EFNA5: variants seen among roughly 807,000 people sequenced by gnomAD.
The protein encoded by EFNA5 is ephrin A5.
In EFNA5, 5 loss-of-function variants were observed where a neutral mutation model predicts 22.9. The observed-to-expected ratio is 0.22, with a 90% CI of 0.11 to 0.46. The LOEUF (loss-of-function observed/expected upper bound fraction) is 0.46. Ranked by LOEUF, EFNA5 falls within the 20% of genes least tolerant of loss-of-function variation. The pLI, the probability that EFNA5 is intolerant of heterozygous loss-of-function variation, is 0.99. For synonymous variants in EFNA5, 113 were observed against 112.2 expected (o/e 1.01, Z -0.04); for missense variants, 237 against 293.3 (o/e 0.81, Z 1.40).
intron 1 of EFNA5, among the ~76,000 whole-genome samples, chr5:107,568,724 A>C (rs896495384): frequency 9.2e-5 from 14 of 152,256 alleles, no homozygotes; most frequent in African/African-American, 3.4e-4. Flanking sequence ...ATAAAACTTC[A>C]GAATTTGTAG....
chr5:107,574,435 A>G lies in EFNA5; in HGVS notation c.125+96054T>C, dbSNP rs1036825867. Among the ~76,000 whole-genome samples the G allele has an allele frequency of 3.3e-5, 5 of 152,330 alleles. 1 individual carries two copies. The highest frequency in any genetic ancestry group is 1.3e-4 in the Admixed American group (2 of 15,304). On this transcript the variant is annotated intron_variant, in intron 1 of 4. Transcript: ENST00000333274. ...AGATTAAACTCAATATGCCATTAAT[A>G]TGAAAAGAATTTGACAGTTTACATA...
chr5:107,621,056 A>G (rs1750025663), intron 1 of EFNA5, among the ~76,000 whole-genome samples: 1 of 152,178 alleles, frequency 6.6e-6, no homozygotes, highest in Non-Finnish European at 1.5e-5. Flanking sequence ...ATATGAGAAG[A>G]TGGGGCTAGA....
intron 1 of EFNA5, among the ~76,000 whole-genome samples, chr5:107,669,675 C>G (rs1457939124): frequency 6.6e-6 from 1 of 152,152 alleles, no homozygotes; most frequent in Admixed American, 6.5e-5. Context: ...AAATCGGTTC[C>G]AGGTAATCGC....
intron 1 of EFNA5, among the ~76,000 whole-genome samples, chr5:107,569,429 GTATA>G (rs1257415667): frequency 2.2e-5 from 3 of 134,362 alleles, no homozygotes; most frequent in Non-Finnish European, 3.1e-5. Context: ...GTATATGTGT[GTATA>G]TATATATTTA....
At chr5:107,572,232 G>A (rs1461476955) in intron 1 of EFNA5, among the ~76,000 whole-genome samples, 1 of 151,862 alleles carries the variant, frequency 6.6e-6, no homozygotes, top group African/African-American at 2.4e-5. Flanking sequence ...TCTTGGTCCT[G>A]CGCCAGACAG....
intron 1 of EFNA5, among the ~76,000 whole-genome samples, chr5:107,634,345 T>C (rs902694033): frequency 4.6e-5 from 7 of 152,114 alleles, no homozygotes; most frequent in Non-Finnish European, 7.4e-5. Flanking sequence ...AGAGAGACCT[T>C]GTCTCTACAA....
At chr5:107,546,679 C>T (rs964929309) in intron 1 of EFNA5, among the ~76,000 whole-genome samples, 12 of 123,688 alleles carry the variant, frequency 9.7e-5, no homozygotes, top group Non-Finnish European at 1.9e-4. Context: ...CACACACACA[C>T]ACACACACTC....
chr5:107,645,758 T>C (rs988108736), intron 1 of EFNA5, among the ~76,000 whole-genome samples: 5 of 152,212 alleles, frequency 3.3e-5, no homozygotes, highest in Non-Finnish European at 7.4e-5. Flanking sequence ...TGGAGATTGC[T>C]AAAACAACAA....
chr5:107,668,455 A>T lies in EFNA5; in HGVS notation c.125+2034T>A, dbSNP rs200305748. Among the ~76,000 whole-genome samples, 5 of 152,312 alleles carry T rather than the reference A, an allele frequency of 3.3e-5. No individual in the cohort carries two copies. The East Asian group carries it at 9.6e-4, about 29-fold the overall frequency. On this transcript the variant is annotated intron_variant, in intron 1 of 4. Transcript: ENST00000333274. Reference sequence around the variant, plus strand: ...GATAACCTAAGATAAAATGTCCTCAAACTAACTCAGACTAGCTTGACAGGT... The same window carrying T: ...GATAACCTAAGATAAAATGTCCTCATACTAACTCAGACTAGCTTGACAGGT...
intron 1 of EFNA5, among the ~76,000 whole-genome samples, chr5:107,617,076 C>T (rs559600193): frequency 6.6e-6 from 1 of 152,062 alleles, no homozygotes; most frequent in Admixed American, 6.6e-5. Context: ...AAGGCTTTTG[C>T]CCACTGCATA....
In EFNA5 at chr5:107,498,858, G is replaced by A. The variant is rs150265010; in HGVS notation, c.126-71349C>T. ...TGTACACACTGTGATAAGGCTGCAG[G>A]GGATAGACTACATATGGTGATTACC... On this transcript the variant is annotated intron_variant, in intron 1 of 4. Coordinates refer to ENST00000333274, the MANE Select transcript of EFNA5 (RefSeq NM_001962.3). Among the ~76,000 whole-genome samples the A allele has an allele frequency of 9.2e-5, 14 of 152,274 alleles. 1 individual carries two copies. Among genetic ancestry groups the A allele is most frequent in the Middle Eastern group, 3.4e-3 (1 of 294 alleles).
intron 1 of EFNA5, among the ~76,000 whole-genome samples, chr5:107,519,855 C>T (rs149439351): frequency 1.7e-3 from 262 of 152,310 alleles, no homozygotes; most frequent in Middle Eastern, 0.01. Flanking sequence ...AAAATCTTCA[C>T]GCAAAGTTTC....
At chr5:107,663,781 T>C (rs539574327) in intron 1 of EFNA5, among the ~76,000 whole-genome samples, 1 of 152,274 alleles carries the variant, frequency 6.6e-6, no homozygotes, top group African/African-American at 2.4e-5. Context: ...AAGAGCATTT[T>C]ATCCATCTTG....
At chr5:107,384,893 T>C (rs1179682177) in intron 4 of EFNA5, among the ~76,000 whole-genome samples, 1 of 149,284 alleles carries the variant, frequency 6.7e-6, no homozygotes, top group Non-Finnish European at 1.5e-5. Context: ...GGATTATAGG[T>C]GTGAGGCACA....
chr5:107,402,155 G>C (rs1748103122), intron 2 of EFNA5, among the ~76,000 whole-genome samples: 1 of 152,034 alleles, frequency 6.6e-6, no homozygotes, highest in Admixed American at 6.6e-5. Flanking sequence ...GTGTGTGTAG[G>C]AGGAGGAGGA....
At chr5:107,627,775 C>G (rs572140582) in intron 1 of EFNA5, among the ~76,000 whole-genome samples, 30 of 151,890 alleles carry the variant, frequency 2.0e-4, no homozygotes, top group Non-Finnish European at 4.0e-4. Context: ...TGATGAATTT[C>G]CATTTCAATT....
intron 1 of EFNA5, among the ~76,000 whole-genome samples, chr5:107,474,238 G>A (rs2112389465): frequency 6.6e-6 from 1 of 152,300 alleles, no homozygotes; most frequent in East Asian, 1.9e-4. Context: ...TGGAGTGGAT[G>A]ACACCCAGTT....
intron 2 of EFNA5, among the ~76,000 whole-genome samples, chr5:107,410,120 C>T (rs1200839518): frequency 6.7e-6 from 1 of 148,460 alleles, no homozygotes; most frequent in African/African-American, 2.5e-5. Flanking sequence ...CTCCGCTTCC[C>T]GGGTTCACAC....
At position 107,644,353 on chromosome 5, in the gene EFNA5, GA is replaced by G. The variant is rs534301307; in HGVS notation, c.125+26135del. On this transcript the variant is annotated intron_variant, in intron 1 of 4. Coordinates refer to ENST00000333274, the MANE Select transcript of EFNA5 (RefSeq NM_001962.3). Reference sequence around the variant, plus strand: ...CTTTAGTGTTTACTTAAAAAATGAGGAAAAAAAAGAATCATTATGTAGAAAA... The same window carrying G: ...CTTTAGTGTTTACTTAAAAAATGAGGAAAAAAAGAATCATTATGTAGAAAA... Among the ~76,000 whole-genome samples, 30 of 151,248 alleles carry G rather than the reference GA, an allele frequency of 2.0e-4. No homozygotes were observed. The East Asian group carries it at 5.2e-3, about 26-fold the overall frequency.
Sources: allele counts gnomAD v4.1 joint callset (sites outside exome capture counted in the v4.1 genomes callset), GRCh38; gene constraint gnomAD v4.1.1; transcripts MANE v1.5; gene names NCBI Gene and HGNC (gene_info 2026-07-23, HGNC 2026-07-21).